Variants in CLK4 observed in about 807,000 individuals in gnomAD.
CLK4 encodes the protein CDC like kinase 4.
A neutral mutation model predicts 64.4 loss-of-function variants in CLK4; 37 were observed. The observed-to-expected ratio is 0.57, with a 90% CI of 0.44 to 0.76. CLK4 has a LOEUF of 0.76. Among genes scored for constraint, CLK4 ranks in the 30% least tolerant of loss-of-function variants. CLK4 has a pLI of 0.00. For missense variants in CLK4, 457 were observed against 605.1 expected, an observed-to-expected ratio of 0.76 and a Z score of 2.57; for synonymous variants, 175 against 191.6, an observed-to-expected ratio of 0.91 and a Z score of 0.72.
chr5:178,617,230 CA>C lies in CLK4; in HGVS notation c.475+113del. ...AAATATAAAAGAACAAACAAACCCA[CA>C]AAAAGCAAAATAAAAAAGCAATGAA... On this transcript the variant is annotated intron_variant, in intron 4 of 12. Transcript: ENST00000316308. This position sits in a 1 kb window ranked among gnomAD's most constrained non-coding sequence, Gnocchi z 5.2. 1.2e-6 allele frequency: 1 copy of C among 815,764 alleles called. No individual in the cohort carries two copies. Among genetic ancestry groups the C allele is most frequent in the Non-Finnish European group, 2.0e-6 (1 of 499,898 alleles). 50.5% of individuals were successfully genotyped at this position (815,764 alleles called of 1,614,324 possible).
intron 2 of CLK4, among the ~76,000 whole-genome samples, chr5:178,621,503 CTCT>C (rs1342501116): frequency 6.6e-6 from 1 of 152,094 alleles, no homozygotes; most frequent in South Asian, 2.1e-4. Flanking sequence ...TAATAAAAAG[CTCT>C]TCTAAATCAA....
chr5:178,618,332 C>T (rs1581709732), intron 3 of CLK4: 2 of 200,066 alleles, frequency 1.0e-5, no homozygotes, highest in East Asian at 2.3e-4. Context: ...ATCTGGTCTG[C>T]AGAATATGAG....
At chr5:178,614,528 G>A (rs545591076) in intron 5 of CLK4, among the ~76,000 whole-genome samples, 53 of 152,292 alleles carry the variant, frequency 3.5e-4, no homozygotes, top group African/African-American at 1.2e-3. Context: ...CATAAATGTT[G>A]CAAATCTTCA....
chr5:178,614,652 G>A (rs1424084043), intron 5 of CLK4, among the ~76,000 whole-genome samples: 2 of 152,092 alleles, frequency 1.3e-5, no homozygotes, highest in Non-Finnish European at 2.9e-5. Context: ...TCTCTTACTA[G>A]TGTAACAGGA....
intron 8 of CLK4, 62 bp downstream of exon 8, chr5:178,612,734 G>T: frequency 8.9e-7 from 1 of 1,119,886 alleles, no homozygotes; most frequent in Non-Finnish European, 1.3e-6. Context: ...CTCATCCAAA[G>T]ATCATCAAGT....
intron 9 of CLK4, among the ~76,000 whole-genome samples, chr5:178,610,773 A>T (rs1002582108): frequency 4.8e-5 from 7 of 144,920 alleles, no homozygotes; most frequent in South Asian, 2.2e-4. Flanking sequence ...CATAAAAATT[A>T]AAAAAAAAAA....
chr5:178,612,798 T>A lies in CLK4; in HGVS notation c.919A>T (p.Met307Leu), dbSNP rs1475528828. 1 of 1,506,814 alleles carries A rather than the reference T, an allele frequency of 6.6e-7. No homozygotes were observed. The highest frequency in any genetic ancestry group is 9.2e-7 in the Non-Finnish European group (1 of 1,091,856). 93.3% of individuals were successfully genotyped at this position (1,506,814 alleles called of 1,614,324 possible). The change falls in exon 8 of 13, where the codon ATG becomes TTG. Residue 307 changes from methionine (M) to leucine (L), a missense_variant and splice_region_variant. Physicochemically the swap from Met to Leu is conservative, Grantham distance 15 (BLOSUM62 2). Transcript: ENST00000316308. ...SDYVVKYNSK[M>L]KRDERTLKNT... ...ATTAAAACAAGTCTTTAACTTACCA[T>A]TTTAGAATTATATTTGACTACATAG...
intron 2 of CLK4, chr5:178,619,886 C>T (rs1246300131): frequency 1.4e-5 from 12 of 865,704 alleles, no homozygotes; most frequent in South Asian, 1.4e-4. Flanking sequence ...AAGAGGGATG[C>T]ACATGGAGCA....
chr5:178,618,985 G>C (rs2113811712), intron 2 of CLK4, among the ~76,000 whole-genome samples: 1 of 152,260 alleles, frequency 6.6e-6, no homozygotes, highest in Non-Finnish European at 1.5e-5. Flanking sequence ...TATAGAGTTT[G>C]CTGTCAAGCA....
intron 5 of CLK4, among the ~76,000 whole-genome samples, chr5:178,614,808 A>T (rs933281728): frequency 6.6e-6 from 1 of 152,216 alleles, no homozygotes; most frequent in Non-Finnish European, 1.5e-5. Flanking sequence ...GTCACTAAAA[A>T]AATTTTTTAA....
chr5:178,607,038 T>C (rs1024427760), intron 10 of CLK4, among the ~76,000 whole-genome samples: 13 of 151,902 alleles, frequency 8.6e-5, no homozygotes, highest in Non-Finnish European at 1.8e-4. Flanking sequence ...TAGAGTTTCC[T>C]ACTTTTTGTT....
chr5:178,605,180 A>T, intron 11 of CLK4, 123 bp downstream of exon 11: 1 of 420,676 alleles, frequency 2.4e-6, no homozygotes, highest in Non-Finnish European at 3.9e-6. Context: ...CCAGTACAGA[A>T]AAAAAAAAAA....
In CLK4 at chr5:178,612,466, T is replaced by G; in HGVS notation, c.1001A>C (p.His334Pro). 9 of 1,614,136 alleles carry G rather than the reference T, an allele frequency of 5.6e-6. No individual in the cohort carries two copies. Among genetic ancestry groups the G allele is most frequent in the Non-Finnish European group, 7.6e-6 (9 of 1,179,988 alleles). The change falls in exon 9 of 13, where the codon CAC (histidine) becomes CCC (proline). Residue 334 changes from histidine (H) to proline (P), a missense_variant. Physicochemically the swap from His to Pro is moderately conservative, Grantham distance 77. Coordinates refer to ENST00000316308, the MANE Select transcript of CLK4 (RefSeq NM_020666.3). ...GTGCCGGGTAGACACCAAAGTACTG[T>G]GATGTTCATCATCATACGTTGCACT... The part of the protein sequence containing the change: ...FGSATYDDEH[H>P]STLVSTRHYR...
chr5:178,621,503 C>T (rs1229504561), intron 2 of CLK4, among the ~76,000 whole-genome samples: 1 of 152,212 alleles, frequency 6.6e-6, no homozygotes, highest in Non-Finnish European at 1.5e-5. Flanking sequence ...TAATAAAAAG[C>T]TCTTCTAAAT....
rs985799222 is a variant in CLK4, at chr5:178,603,078, C to T, written c.*539G>A. 2 of 152,570 alleles carry T rather than the reference C, an allele frequency of 1.3e-5. No individual in the cohort carries two copies. Among genetic ancestry groups the T allele is most frequent in the African/African-American group, 4.8e-5 (2 of 41,464 alleles). 9.5% of individuals were successfully genotyped at this position (152,570 alleles called of 1,614,324 possible). On this transcript the variant is annotated 3_prime_UTR_variant, in exon 13 of 13. Coordinates refer to ENST00000316308, the MANE Select transcript of CLK4 (RefSeq NM_020666.3). Reference sequence around the variant, plus strand: ...CATGAATGTCTGGTTATCACCCTGACATCACCCAATGAAAAAGAATACAAC... The same window carrying T: ...CATGAATGTCTGGTTATCACCCTGATATCACCCAATGAAAAAGAATACAAC...
intron 11 of CLK4, chr5:178,604,465 A>T (rs915250762): frequency 2.0e-5 from 3 of 151,876 alleles, no homozygotes; most frequent in Non-Finnish European, 4.4e-5. Context: ...AAAAAAAACA[A>T]AAAAAACCCA....
chr5:178,625,293 C>A (rs1481701424), intron 1 of CLK4, among the ~76,000 whole-genome samples: 1 of 151,966 alleles, frequency 6.6e-6, no homozygotes, highest in Non-Finnish European at 1.5e-5. Context: ...AAAAAATTAG[C>A]CGCACATGGT....
At chr5:178,606,527 C>T (rs1713892967) in intron 10 of CLK4, among the ~76,000 whole-genome samples, 1 of 152,204 alleles carries the variant, frequency 6.6e-6, no homozygotes, top group African/African-American at 2.4e-5. Context: ...GCCCCCTGCA[C>T]TGCTCTAACT....
rs144043842 is a variant in CLK4, at chr5:178,623,347, G to A, written c.70C>T (p.Arg24Cys). The A allele has an allele frequency of 4.1e-3, 6,654 of 1,613,972 alleles. 23 individuals are homozygous for A. Among genetic ancestry groups the A allele is most frequent in the Non-Finnish European group, 5.2e-3 (6,084 of 1,179,948 alleles). Reference sequence around the variant, plus strand: ...CTCCTCTTCCGCTTGTGACTTCCACGATAGCTTTCATGTCCCCAGCTTTCT... The same window carrying A: ...CTCCTCTTCCGCTTGTGACTTCCACAATAGCTTTCATGTCCCCAGCTTTCT... ...SRESWGHESY[R>C]GSHKRKRRSH... The change falls in exon 2 of 13, where the codon CGT becomes TGT. Residue 24 changes from arginine to cysteine, a missense_variant. Transcript: ENST00000316308.
Sources: gnomAD v4.1 joint callset for allele counts (sites outside exome capture counted in the v4.1 genomes callset) on GRCh38, gnomAD v4.1.1 for gene constraint, Gnocchi (gnomAD v3.1) non-coding constraint, MANE v1.5 for transcripts, NCBI Gene and HGNC (gene_info 2026-07-23, HGNC 2026-07-21) for gene names.